Variants in SLC5A10 observed in about 807,000 individuals in gnomAD.
SLC5A10 encodes solute carrier family 5 member 10.
Under a neutral mutation model 68.9 loss-of-function variants are expected in SLC5A10, and 55 were observed. The ratio of observed to expected loss-of-function variants is 0.80; its 90% confidence interval spans 0.64 to 1.00. The LOEUF (loss-of-function observed/expected upper bound fraction) is 1.00. Ranked by LOEUF, SLC5A10 falls within the 50% of genes least tolerant of loss-of-function variation. The pLI is 0.00. For synonymous variants in SLC5A10, 344 were observed against 344.8 expected, an observed-to-expected ratio of 1.00 and a Z score of 0.02; for missense variants, 732 against 819.3, an observed-to-expected ratio of 0.89 and a Z score of 1.30.
chr17:18,979,705 G>C, intron 9 of SLC5A10: 1 of 1,611,482 alleles, frequency 6.2e-7, no homozygotes, highest in Non-Finnish European at 8.5e-7. Flanking sequence ...AGAATTACAC[G>C]ACTGCAACCC....
chr17:18,989,618 T>A (rs2043359841), intron 9 of SLC5A10, among the ~76,000 whole-genome samples: 1 of 152,214 alleles, frequency 6.6e-6, no homozygotes, highest in Non-Finnish European at 1.5e-5. Context: ...GGAGCACACC[T>A]GAATACCGCA....
intron 4 of SLC5A10, 127 bp downstream of exon 4, chr17:18,959,790 A>T: frequency 1.2e-6 from 1 of 800,304 alleles, no homozygotes; most frequent in Non-Finnish European, 2.2e-6. Context: ...GTTTGCTATT[A>T]GCCCGACTAA....
intron 5 of SLC5A10, among the ~76,000 whole-genome samples, chr17:18,963,750 T>C (rs1305590397): frequency 6.6e-6 from 1 of 152,234 alleles, no homozygotes. Flanking sequence ...GGACCGGCGA[T>C]GGCAGGGCCT....
chr17:19,013,396 C>T lies in SLC5A10; in HGVS notation c.983-14C>T, dbSNP rs774205606. The T allele has an allele frequency of 4.4e-6, 7 of 1,605,560 alleles. No individual in the cohort carries two copies. Among genetic ancestry groups the T allele is most frequent in the South Asian group, 2.2e-5 (2 of 89,974 alleles). ...TCTATGAGGAGAGACACCAAGTGTCCGTCTCTCGAACAGATGATGTGGGCT... is the reference window on the plus strand; with the variant it reads ...TCTATGAGGAGAGACACCAAGTGTCTGTCTCTCGAACAGATGATGTGGGCT... On this transcript the variant is annotated splice_polypyrimidine_tract_variant and intron_variant, in intron 9 of 14. Coordinates refer to ENST00000395645, the MANE Select transcript of SLC5A10 (RefSeq NM_001042450.4).
At position 19,000,666 on chromosome 17, in the gene SLC5A10, G is replaced by A. The variant is rs979072631; in HGVS notation, c.983-12744G>A. 2.0e-4 allele frequency among the ~76,000 whole-genome samples: 31 copies of A among 152,304 alleles called. 2 individuals are homozygous for A. Among genetic ancestry groups the A allele is most frequent in the Admixed American group, 7.8e-4 (12 of 15,304 alleles). On this transcript the variant is annotated intron_variant, in intron 9 of 14. Coordinates refer to ENST00000395645, the MANE Select transcript of SLC5A10 (RefSeq NM_001042450.4). The surrounding 1 kb of genome is among the most constrained non-coding windows in gnomAD (Gnocchi z 5.2). ...CCAGCAGCCCCAGCCTAAAGCCCCC[G>A]GTGGGAAGGGGCCAGTGTGCGGCAA...
intron 9 of SLC5A10, among the ~76,000 whole-genome samples, chr17:18,983,655 C>T (rs1247932201): frequency 6.6e-6 from 1 of 152,140 alleles, no homozygotes; most frequent in Non-Finnish European, 1.5e-5. Flanking sequence ...AGGTGCAGGC[C>T]TCCAGCAGCC....
intron 9 of SLC5A10, among the ~76,000 whole-genome samples, chr17:18,997,700 G>T (rs117874273): frequency 2.0e-5 from 3 of 152,136 alleles, no homozygotes; most frequent in Admixed American, 6.5e-5. Context: ...TCTCTGCTGC[G>T]TTCCAGTGAG....
rs111814012 is a variant in SLC5A10 at position 18,965,180 on chromosome 17, G to A, written c.454-3872G>A. On this transcript the variant is annotated intron_variant, in intron 5 of 14. Coordinates refer to ENST00000395645, the MANE Select transcript of SLC5A10 (RefSeq NM_001042450.4). ...CCAGTGAGGGGCTTGCAAGGGGATC[G>A]GGCCCAGGGTGGGGGCAGCAGAGGT... Among the ~76,000 whole-genome samples, 51 of 152,214 alleles carry A rather than the reference G, an allele frequency of 3.4e-4. No individual in the cohort carries two copies. In the East Asian group the frequency reaches 7.0e-3, roughly 21 times the overall value.
In SLC5A10 at chr17:19,017,231, G is replaced by A; in HGVS notation, c.1241+2032G>A. 1 of 1,486,812 alleles carries A rather than the reference G, an allele frequency of 6.7e-7. No homozygotes were observed. Among genetic ancestry groups the A allele is most frequent in the South Asian group, 1.2e-5 (1 of 82,354 alleles). The allele number at this position is 1,486,812 out of a possible 1,614,324, so 92.1% of individuals were successfully genotyped here. ...GCTGCCAGCTGGATAGAGCAGAAAG[G>A]GCCCCGTGCCAGGTGTCAGGCTGGC... On this transcript the variant is annotated intron_variant, in intron 11 of 14. Transcript: ENST00000395645. This position sits in a 1 kb window ranked among gnomAD's most constrained non-coding sequence, Gnocchi z 5.6.
In SLC5A10 at chr17:18,969,150, C is replaced by G; in HGVS notation, c.552C>G (p.Thr184=). The G allele has an allele frequency of 6.2e-7, 1 of 1,613,692 alleles. No individual in the cohort carries two copies. ...CGCTCGGCATCACAGCCCTGTACAC[C>G]ATCGCAGGTATGGTGCCTGCAGCAG... The part of the protein sequence containing the change: ...ILTLGITALY[T]IAGGLAAVIY... Residue 184 remains threonine, a synonymous_variant, in exon 6 of 15, where the codon ACC becomes ACG. Transcript: ENST00000395645.
At chr17:18,988,731 G>A (rs1438974521) in intron 9 of SLC5A10, among the ~76,000 whole-genome samples, 1 of 152,252 alleles carries the variant, frequency 6.6e-6, no homozygotes, top group Non-Finnish European at 1.5e-5. Context: ...GTCAATGACC[G>A]GAAGGGCAGC....
intron 9 of SLC5A10, among the ~76,000 whole-genome samples, chr17:19,005,811 C>CA (rs1426821199): frequency 6.6e-6 from 1 of 152,196 alleles, no homozygotes; most frequent in African/African-American, 2.4e-5. Context: ...TATAGCCCCC[C>CA]AAGGGCTTTA....
chr17:18,971,843 C>G lies in SLC5A10; in HGVS notation c.846+625C>G, dbSNP rs560738457. 7 of 1,384,980 alleles carry G rather than the reference C, an allele frequency of 5.1e-6. No homozygotes were observed. The South Asian group carries it at 5.9e-5, about 12-fold the overall frequency. 85.8% of individuals were successfully genotyped at this position (1,384,980 alleles called of 1,614,324 possible). A position where few individuals can be genotyped will look rare whatever the true frequency, so the allele number is the denominator to read the frequency against. On this transcript the variant is annotated intron_variant, in intron 8 of 14. Coordinates refer to ENST00000395645, the MANE Select transcript of SLC5A10 (RefSeq NM_001042450.4). The surrounding 1 kb of genome is among the most constrained non-coding windows in gnomAD (Gnocchi z 5.5). ...TCAGGCACACAGGAGCCGGCAGGCC[C>G]GGGTTCGCCTCCTGGCTCTGCCATT... is the stretch of plus-strand genomic sequence containing the variant.
Position 19,018,136 on chromosome 17 carries a change from G to A in SLC5A10, c.1242-1287G>A, listed in dbSNP as rs1212802850. The A allele has an allele frequency of 6.6e-6, 1 of 152,336 alleles. No homozygotes were observed. Among genetic ancestry groups the A allele is most frequent in the African/African-American group, 2.4e-5 (1 of 41,438 alleles). The allele number at this position is 152,336 out of a possible 1,614,324, so 9.4% of individuals were successfully genotyped here. On this transcript the variant is annotated intron_variant, in intron 11 of 14. Transcript: ENST00000395645. The surrounding 1 kb of genome is among the most constrained non-coding windows in gnomAD (Gnocchi z 4.2). ...TCCTCCACCCTCTCCCTCAGGCCTAGAAGGGAAGAAAGGGAGGGAGGAAGG... is the reference window on the plus strand; with the variant it reads ...TCCTCCACCCTCTCCCTCAGGCCTAAAAGGGAAGAAAGGGAGGGAGGAAGG...
In SLC5A10 at chr17:19,021,817, C is replaced by T. The variant is rs2044268736; in HGVS notation, c.*1386C>T. On this transcript the variant is annotated 3_prime_UTR_variant, in exon 15 of 15. Transcript: ENST00000395645. This position sits in a 1 kb window ranked among gnomAD's most constrained non-coding sequence, Gnocchi z 4.1. ...GCCATCCCAGTTTGTGCAGAGCGGC[C>T]GGAGGCAGTTAGGAGCCCACGTTCA... 5 of 825,786 alleles carry T rather than the reference C, an allele frequency of 6.1e-6. No individual in the cohort carries two copies. Among genetic ancestry groups the T allele is most frequent in the Non-Finnish European group, 8.3e-6 (5 of 599,372 alleles). 51.2% of individuals were successfully genotyped at this position (825,786 alleles called of 1,614,324 possible). A position where few individuals can be genotyped will look rare whatever the true frequency, so the allele number is the denominator to read the frequency against.
Position 19,003,970 on chromosome 17 carries a change from C to T in SLC5A10, c.983-9440C>T, listed in dbSNP as rs746124516. The T allele has an allele frequency of 2.5e-6, 4 of 1,612,858 alleles. No homozygotes were observed. Among genetic ancestry groups the T allele is most frequent in the Admixed American group, 3.3e-5 (2 of 60,006 alleles). On this transcript the variant is annotated intron_variant, in intron 9 of 14. Transcript: ENST00000395645. The surrounding 1 kb of genome is among the most constrained non-coding windows in gnomAD (Gnocchi z 4.5). ...GCCGCTGCTCCTCGCTGTAGAAGAA[C>T]TCAGGCTTGGACTCGCTGGAGCGCC...
intron 1 of SLC5A10, among the ~76,000 whole-genome samples, chr17:18,955,873 G>C (rs1411121717): frequency 6.6e-6 from 1 of 152,134 alleles, no homozygotes; most frequent in African/African-American, 2.4e-5. Context: ...ACCTGCCTGG[G>C]CAACATAATG....
chr17:18,969,279 C>T (rs1272155340), intron 6 of SLC5A10, 63 bp from the exon 7 acceptor site: 6 of 1,586,310 alleles, frequency 3.8e-6, no homozygotes, highest in Non-Finnish European at 4.3e-6. Flanking sequence ...CCCAGAAGTT[C>T]CTCCCCGTGT....
rs922453201 is a variant in SLC5A10 at position 18,996,440 on chromosome 17, G to A, written c.983-16970G>A. 6.6e-6 allele frequency among the ~76,000 whole-genome samples: 1 copy of A among 152,110 alleles called. No homozygotes were observed. Among genetic ancestry groups the A allele is most frequent in the African/African-American group, 2.4e-5 (1 of 41,416 alleles). ...GGCCCAAGAAGGTTCTCTGGGTTAG[G>A]AAGTTCTCCTAGGATCCCTGGGTGG... On this transcript the variant is annotated intron_variant, in intron 9 of 14. Coordinates refer to ENST00000395645, the MANE Select transcript of SLC5A10 (RefSeq NM_001042450.4). This position sits in a 1 kb window ranked among gnomAD's most constrained non-coding sequence, Gnocchi z 4.4.
Sources: allele counts gnomAD v4.1 joint callset (sites outside exome capture counted in the v4.1 genomes callset), GRCh38; gene constraint gnomAD v4.1.1; non-coding constraint Gnocchi (gnomAD v3.1); transcripts MANE v1.5; gene names NCBI Gene and HGNC (gene_info 2026-07-23, HGNC 2026-07-21).